TPST1: variants seen among roughly 807,000 people sequenced by gnomAD.
The protein encoded by TPST1 is tyrosylprotein sulfotransferase 1, also known as protein-tyrosine sulfotransferase 1.
In TPST1, 20 loss-of-function variants were observed where a neutral mutation model predicts 34.8. The observed-to-expected ratio is 0.57, with a 90% CI of 0.40 to 0.84. The LOEUF is 0.84. Ranked by LOEUF, TPST1 falls within the 40% of genes least tolerant of loss-of-function variation. The probability of loss-of-function intolerance (pLI) is 0.00; values close to 1 mark genes in which losing one functional copy is unlikely to be tolerated. For synonymous variants in TPST1, 152 were observed against 159.4 expected (o/e 0.95, Z 0.35); for missense variants, 353 against 455.5 (o/e 0.78, Z 2.05).
At chr7:66,334,312 T>C (rs1257256995) in intron 3 of TPST1, among the ~76,000 whole-genome samples, 1 of 152,002 alleles carries the variant, frequency 6.6e-6, no homozygotes, top group Non-Finnish European at 1.5e-5. Flanking sequence ...AAAAGATACC[T>C]GGCATCACTC....
intron 2 of TPST1, among the ~76,000 whole-genome samples, chr7:66,260,463 A>C (rs1398968835): frequency 1.3e-5 from 2 of 152,194 alleles, no homozygotes; most frequent in Non-Finnish European, 2.9e-5. Context: ...TGTACTCCAT[A>C]ATAACTGTGG....
At chr7:66,204,342 A>G (rs537588626), upstream of TPST1, among the ~76,000 whole-genome samples, 4 of 152,340 alleles carry the variant, frequency 2.6e-5, no homozygotes, top group South Asian at 8.3e-4. Context: ...CAGCCTCCCC[A>G]GTAGCTGGGA....
Position 66,336,854 on chromosome 7 carries a change from GAGAAA to G in TPST1, c.1045-15645_1045-15641del, listed in dbSNP as rs563972313. 3.3e-5 allele frequency among the ~76,000 whole-genome samples: 5 copies of G among 152,264 alleles called. No individual in the cohort carries two copies. The South Asian group carries it at 1.0e-3, about 32-fold the overall frequency. ...AAAGAAAGATTACTCAAGGCAGCAA[GAGAAA>G]AGAAATGTGTCCCATTCAACATACC... On this transcript the variant is annotated intron_variant, in intron 3 of 5. Coordinates refer to ENST00000304842, the MANE Select transcript of TPST1 (RefSeq NM_003596.4).
rs548755143 is a variant in TPST1, at chr7:66,234,194, C to T, written c.-101-6131C>T. 1.6e-4 allele frequency among the ~76,000 whole-genome samples: 25 copies of T among 152,294 alleles called. 1 individual carries two copies. The South Asian group carries it at 2.9e-3, about 18-fold the overall frequency. On this transcript the variant is annotated intron_variant, in intron 1 of 5. Coordinates refer to ENST00000304842, the MANE Select transcript of TPST1 (RefSeq NM_003596.4). Reference sequence around the variant, plus strand: ...TCTTGAATGCGTTAAAACGCCTTCCCGTTACATGGCTTTTGCATATCTACG... The same window carrying T: ...TCTTGAATGCGTTAAAACGCCTTCCTGTTACATGGCTTTTGCATATCTACG...
intron 3 of TPST1, among the ~76,000 whole-genome samples, chr7:66,301,059 A>G (rs1198026012): frequency 1.3e-5 from 2 of 152,238 alleles, no homozygotes; most frequent in South Asian, 2.1e-4. Context: ...ATCTCCTTGT[A>G]TATCTCTATC....
At chr7:66,314,093 A>C (rs1791586330) in intron 3 of TPST1, among the ~76,000 whole-genome samples, 1 of 152,188 alleles carries the variant, frequency 6.6e-6, no homozygotes, top group Non-Finnish European at 1.5e-5. Flanking sequence ...AATACTAGGT[A>C]AATTGTGTGG....
chr7:66,251,855 T>C (rs959279081), intron 2 of TPST1, among the ~76,000 whole-genome samples: 1 of 152,072 alleles, frequency 6.6e-6, no homozygotes, highest in Non-Finnish European at 1.5e-5. Context: ...GGTATATAGC[T>C]ATATCATCAG....
chr7:66,300,915 C>T (rs979068044), intron 3 of TPST1, among the ~76,000 whole-genome samples: 2 of 151,606 alleles, frequency 1.3e-5, no homozygotes, highest in African/African-American at 4.8e-5. Context: ...CACTGCACTC[C>T]AGCCTGGGTG....
At chr7:66,282,620 C>G (rs929111894) in intron 2 of TPST1, among the ~76,000 whole-genome samples, 4 of 152,140 alleles carry the variant, frequency 2.6e-5, no homozygotes, top group African/African-American at 9.7e-5. Flanking sequence ...GTTCTCTCCA[C>G]TACACTTTGC....
intron 1 of TPST1, among the ~76,000 whole-genome samples, chr7:66,225,309 G>T (rs1268684839): frequency 3.3e-5 from 5 of 151,956 alleles, no homozygotes; most frequent in African/African-American, 7.2e-5. Flanking sequence ...GCAAAGTGGA[G>T]TTTAAAAGTA....
In TPST1 at chr7:66,352,391, T is replaced by G. The variant is rs1584262379; in HGVS notation, c.1045-114T>G. 7 of 1,521,450 alleles carry G rather than the reference T, an allele frequency of 4.6e-6. No homozygotes were observed. The East Asian group carries it at 1.6e-4, about 36-fold the overall frequency. The allele number at this position is 1,521,450 out of a possible 1,614,324, so 94.2% of individuals were successfully genotyped here. A position where few individuals can be genotyped will look rare whatever the true frequency, so the allele number is the denominator to read the frequency against. On this transcript the variant is annotated intron_variant, in intron 3 of 5. Transcript: ENST00000304842. Reference sequence around the variant, plus strand: ...GAACTGACAGGCTTCTTTCTCATTCTAAACTCACCAGCAGTGGAGCAGTAA... The same window carrying G: ...GAACTGACAGGCTTCTTTCTCATTCGAAACTCACCAGCAGTGGAGCAGTAA...
At chr7:66,325,712 C>G (rs1394627556) in intron 3 of TPST1, among the ~76,000 whole-genome samples, 4 of 151,996 alleles carry the variant, frequency 2.6e-5, no homozygotes, top group Non-Finnish European at 1.5e-5. Flanking sequence ...CTTGGCTTAC[C>G]GCAACCTGTG....
intron 1 of TPST1, among the ~76,000 whole-genome samples, chr7:66,230,049 A>G (rs545253054): frequency 6.6e-6 from 1 of 152,266 alleles, no homozygotes; most frequent in South Asian, 2.1e-4. Context: ...TTAGCTGGAC[A>G]TGGTGGCACG....
In TPST1 at chr7:66,229,626, A is replaced by G. The variant is rs947293249; in HGVS notation, c.-101-10699A>G. Among the ~76,000 whole-genome samples the G allele has an allele frequency of 3.9e-5, 6 of 152,144 alleles. No homozygotes were observed. The East Asian group carries it at 1.2e-3, about 29-fold the overall frequency. ...ACAGGTTTTGGGTGAATAGGGTTTC[A>G]TTTACTAGGATAAATGCTCAGGAAT... On this transcript the variant is annotated intron_variant, in intron 1 of 5. Coordinates refer to ENST00000304842, the MANE Select transcript of TPST1 (RefSeq NM_003596.4).
chr7:66,229,393 A>G (rs942818859), intron 1 of TPST1, among the ~76,000 whole-genome samples: 1 of 152,184 alleles, frequency 6.6e-6, no homozygotes, highest in African/African-American at 2.4e-5. Context: ...TACAGGCATG[A>G]GCCACCGCAC....
upstream of TPST1, among the ~76,000 whole-genome samples, chr7:66,204,308 C>T (rs770192900): frequency 5.9e-5 from 9 of 152,206 alleles, no homozygotes; most frequent in Non-Finnish European, 1.2e-4. Flanking sequence ...GTTACCTTCC[C>T]GGGTTCAAGC....
intron 2 of TPST1, among the ~76,000 whole-genome samples, chr7:66,266,035 CAA>C (rs1158035244): frequency 6.6e-6 from 1 of 152,150 alleles, no homozygotes; most frequent in Non-Finnish European, 1.5e-5. Context: ...GATGGTAACT[CAA>C]ATCTGCATGA....
chr7:66,334,635 C>CAAAA (rs60341796), intron 3 of TPST1, among the ~76,000 whole-genome samples: 67,104 of 111,342 alleles, frequency 0.6, 19,508 homozygotes, highest in Non-Finnish European at 0.62. Context: ...GACTCCATCT[C>CAAAA]AAAAAAAAAA....
rs190954876 is a variant in TPST1 at position 66,247,382 on chromosome 7, C to T, written c.845+6112C>T. On this transcript the variant is annotated intron_variant, in intron 2 of 5. Transcript: ENST00000304842. ...GGTGGAGGTTCCAGTGAGCTGAGGTCGTGCCACTGCACTCCAGCCTGGGTG... is the reference window on the plus strand; with the variant it reads ...GGTGGAGGTTCCAGTGAGCTGAGGTTGTGCCACTGCACTCCAGCCTGGGTG... 2.0e-3 allele frequency among the ~76,000 whole-genome samples: 299 copies of T among 152,184 alleles called. 2 individuals carry two copies. The highest frequency in any genetic ancestry group is 4.6e-3 in the African/African-American group (192 of 41,510).
Sources: gnomAD v4.1 joint callset for allele counts (sites outside exome capture counted in the v4.1 genomes callset) on GRCh38, gnomAD v4.1.1 for gene constraint, MANE v1.5 for transcripts, NCBI Gene and HGNC (gene_info 2026-07-23, HGNC 2026-07-21) for gene names.